ATP11C: variants seen among roughly 807,000 people sequenced by gnomAD.
ATP11C encodes ATPase phospholipid transporting 11C (ATP11C blood group), also known as phospholipid-transporting ATPase IG.
In ATP11C, 36 loss-of-function variants were observed where a neutral mutation model predicts 97.4. That is an observed-to-expected ratio of 0.37 (90% CI 0.28 to 0.49). The LOEUF (loss-of-function observed/expected upper bound fraction) is 0.49, where lower values mean the gene tolerates loss of function less well. Among genes scored for constraint, ATP11C ranks in the 20% least tolerant of loss-of-function variants. The pLI is 0.98. For missense variants in ATP11C, 730 were observed against 824.6 expected (o/e 0.89, Z 1.40); for synonymous variants, 275 against 290.9 (o/e 0.95, Z 0.56).
At chrX:139,921,923 G>A (rs1435064541) in intron 1 of ATP11C, among the ~76,000 whole-genome samples, 1 of 109,859 alleles carries the variant, frequency 9.1e-6, no homozygotes, top group African/African-American at 3.3e-5. Context: ...CACCAAATAA[G>A]GCCGGGCATG....
At chrX:139,742,894 T>A (rs201404669) in intron 26 of ATP11C, among the ~76,000 whole-genome samples, 5,438 of 79,800 alleles carry the variant, frequency 0.068, 152 homozygotes, top group Admixed American at 0.091. Flanking sequence ...TATATATATA[T>A]ATATATATAT....
chrX:139,849,537 G>A (rs868798790), intron 1 of ATP11C, among the ~76,000 whole-genome samples: 3 of 111,285 alleles, frequency 2.7e-5, no homozygotes, highest in Non-Finnish European at 5.7e-5. Context: ...AATAACCATT[G>A]AATAAATGAC....
At chrX:139,907,341 A>G (rs1487288877) in intron 1 of ATP11C, among the ~76,000 whole-genome samples, 2 of 111,586 alleles carry the variant, frequency 1.8e-5, no homozygotes, top group African/African-American at 6.5e-5. Flanking sequence ...TCACCTTCCT[A>G]AAGAAGCTTC....
chrX:139,807,497 T>C (rs1269936235), intron 5 of ATP11C, among the ~76,000 whole-genome samples: 1 of 111,423 alleles, frequency 9.0e-6, no homozygotes, highest in African/African-American at 3.3e-5. Flanking sequence ...AATACCATTC[T>C]TTTACATACA....
chrX:139,728,020 A>T lies in ATP11C; in HGVS notation c.*946T>A, dbSNP rs1426110727. ...CAATCTCTTTCAAATAAAAACCGTC[A>T]AAAGTTTAAAATAAGCTATATTTCT... is the stretch of plus-strand genomic sequence containing the variant. On this transcript the variant is annotated 3_prime_UTR_variant, in exon 30 of 30. Coordinates refer to ENST00000682941, the MANE Select transcript of ATP11C (RefSeq NM_001353812.2). The T allele has an allele frequency of 8.9e-6, 1 of 112,576 alleles. No homozygotes were observed. The highest frequency in any genetic ancestry group is 9.4e-5 in the Admixed American group (1 of 10,591). 9.3% of individuals were successfully genotyped at this position (112,576 alleles called of 1,213,427 possible).
In ATP11C at chrX:139,932,429, G is replaced by C. The variant is rs1266880425; in HGVS notation, c.-387C>G. 8.2e-5 allele frequency: 9 copies of C among 109,761 alleles called. No homozygotes were observed. The highest frequency in any genetic ancestry group is 1.7e-4 in the Non-Finnish European group (9 of 52,080). 9.0% of individuals were successfully genotyped at this position (109,761 alleles called of 1,213,427 possible). On this transcript the variant is annotated 5_prime_UTR_variant, in exon 1 of 30. Coordinates refer to ENST00000682941, the MANE Select transcript of ATP11C (RefSeq NM_001353812.2). ...CCTCCTGTGGGGAGGGGGCGCCCCC[G>C]TCTCTCCGCCAGCGCCGGGCTCGGC...
intron 1 of ATP11C, among the ~76,000 whole-genome samples, chrX:139,872,922 A>G (rs917841899): frequency 1.8e-5 from 2 of 112,337 alleles, no homozygotes; most frequent in Non-Finnish European, 1.9e-5. Flanking sequence ...TCTCAAGCAT[A>G]AAGGAACCAC....
intron 27 of ATP11C, among the ~76,000 whole-genome samples, chrX:139,738,799 G>T (rs1002618916): frequency 6.3e-5 from 7 of 110,479 alleles, no homozygotes; most frequent in African/African-American, 2.3e-4. Flanking sequence ...GAGAGCCTCA[G>T]TAGGTGAAGC....
intron 21 of ATP11C, among the ~76,000 whole-genome samples, chrX:139,762,624 A>C (rs1367226936): frequency 2.7e-5 from 3 of 111,533 alleles, no homozygotes; most frequent in African/African-American, 3.3e-5. Context: ...AAGTTGCACA[A>C]GAAATAGGAA....
intron 12 of ATP11C, among the ~76,000 whole-genome samples, chrX:139,792,812 G>A (rs1037230508): frequency 1.6e-4 from 18 of 112,026 alleles, no homozygotes; most frequent in Non-Finnish European, 5.6e-5. Flanking sequence ...CCTATATATC[G>A]TCCCACATGT....
chrX:139,896,835 C>T (rs1377466076), intron 1 of ATP11C, among the ~76,000 whole-genome samples: 1 of 110,300 alleles, frequency 9.1e-6, no homozygotes, highest in Non-Finnish European at 1.9e-5. Flanking sequence ...TCTCGAACTC[C>T]TGACCTCAAG....
intron 1 of ATP11C, among the ~76,000 whole-genome samples, chrX:139,892,422 T>C (rs1184306505): frequency 9.0e-6 from 1 of 111,448 alleles, no homozygotes; most frequent in African/African-American, 3.3e-5. Context: ...GAATATAACA[T>C]CAGGGAAATC....
At chrX:139,816,647 A>C (rs1203119995) in intron 4 of ATP11C, among the ~76,000 whole-genome samples, 1 of 112,122 alleles carries the variant, frequency 8.9e-6, no homozygotes, top group Non-Finnish European at 1.9e-5. Flanking sequence ...TCTTTCTTTT[A>C]CATTTACACC....
At chrX:139,885,462 A>G (rs765422662) in intron 1 of ATP11C, 3 of 111,661 alleles carry the variant, frequency 2.7e-5, no homozygotes, top group Non-Finnish European at 5.6e-5. Flanking sequence ...AACGAAGAGG[A>G]ACCAAAAACA....
chrX:139,904,256 G>A (rs995146037), intron 1 of ATP11C, among the ~76,000 whole-genome samples: 7 of 111,549 alleles, frequency 6.3e-5, no homozygotes, highest in African/African-American at 2.0e-4. Flanking sequence ...GGCCGGGCAC[G>A]GTGGCTCACG....
chrX:139,785,790 C>T (rs1015108013), intron 15 of ATP11C, among the ~76,000 whole-genome samples: 36 of 111,217 alleles, frequency 3.2e-4, no homozygotes, highest in African/African-American at 1.1e-3. Context: ...AATAAAGGCA[C>T]TTACAGGGAA....
chrX:139,868,399 A>G (rs1490630704), intron 1 of ATP11C, among the ~76,000 whole-genome samples: 2 of 110,685 alleles, frequency 1.8e-5, no homozygotes, highest in African/African-American at 6.6e-5. Context: ...TGTATCTGAC[A>G]AGGGGCTAAT....
chrX:139,815,949 C>G (rs1170817050), intron 4 of ATP11C, among the ~76,000 whole-genome samples: 3 of 111,253 alleles, frequency 2.7e-5, no homozygotes, highest in African/African-American at 9.8e-5. Context: ...AGTAAAAAAG[C>G]CTTTGAAAAC....
chrX:139,730,203 T>C (rs1357343706), intron 29 of ATP11C, among the ~76,000 whole-genome samples: 3 of 111,663 alleles, frequency 2.7e-5, no homozygotes, highest in Non-Finnish European at 5.7e-5. Context: ...TTGTAGGAGA[T>C]AAGGCCCTGG....
Sources: gnomAD v4.1 joint callset for allele counts (sites outside exome capture counted in the v4.1 genomes callset) on GRCh38, gnomAD v4.1.1 for gene constraint, MANE v1.5 for transcripts, NCBI Gene and HGNC (gene_info 2026-07-23, HGNC 2026-07-21) for gene names.